The following HSPA4L variants were observed in gnomAD, a reference collection of about 807,000 sequenced individuals.
The protein encoded by HSPA4L is heat shock 70 kDa protein 4L.
HSPA4L carries 48 observed loss-of-function variants against 100.3 expected under a neutral mutation model. The ratio of observed to expected loss-of-function variants is 0.48; its 90% confidence interval spans 0.38 to 0.61. HSPA4L has a LOEUF of 0.61. HSPA4L is among the 20% of genes least tolerant of loss of function. The pLI, the probability that HSPA4L is intolerant of heterozygous loss-of-function variation, is 0.00. For synonymous variants in HSPA4L, 319 were observed against 328.2 expected (o/e 0.97, Z 0.30); for missense variants, 886 against 988.6 (o/e 0.90, Z 1.39).
rs1734191160 is a variant in HSPA4L, at chr4:127,835,733, T to TAGAA, written c.*2863_*2866dup. The TAGAA allele has an allele frequency of 6.6e-6, 1 of 150,568 alleles. No individual in the cohort carries two copies. Among genetic ancestry groups the TAGAA allele is most frequent in the East Asian group, 2.0e-4 (1 of 5,062 alleles). The allele number at this position is 150,568 out of a possible 1,614,324, so 9.3% of individuals were successfully genotyped here. The stretch of plus-strand genomic sequence containing the variant: ...AAAAACAAAAATTCTTCCAAAAAAC[T>TAGAA]AGAAAGAGCACAGCAAAGAATTTGG... On this transcript the variant is annotated 3_prime_UTR_variant, in exon 19 of 19. Coordinates refer to ENST00000296464, the MANE Select transcript of HSPA4L (RefSeq NM_014278.4).
At chr4:127,831,501 T>TTA (rs1351311274) in intron 18 of HSPA4L, among the ~76,000 whole-genome samples, 58 of 103,416 alleles carry the variant, frequency 5.6e-4, no homozygotes, top group East Asian at 4.7e-3. Context: ...CCTTGTCTAT[T>TTA]AAAAAAAAAA....
At chr4:127,809,590 T>A in intron 11 of HSPA4L, 1 of 645,016 alleles carries the variant, frequency 1.6e-6, no homozygotes, top group Non-Finnish European at 2.8e-6. Flanking sequence ...TGATATTTTT[T>A]GTTTGTTAAA....
At position 127,834,491 on chromosome 4, in the gene HSPA4L, G is replaced by T. The variant is rs1734160093; in HGVS notation, c.*1617G>T. 1 of 152,078 alleles carries T rather than the reference G, an allele frequency of 6.6e-6. No individual in the cohort carries two copies. Among genetic ancestry groups the T allele is most frequent in the Non-Finnish European group, 1.5e-5 (1 of 67,988 alleles). 9.4% of individuals were successfully genotyped at this position (152,078 alleles called of 1,614,324 possible). ...GGATTTTTATTCCGTCTTTTGAGGGGAAGAATCTCTTTTTTGCATTAAAAA... is the reference window on the plus strand; with the variant it reads ...GGATTTTTATTCCGTCTTTTGAGGGTAAGAATCTCTTTTTTGCATTAAAAA... On this transcript the variant is annotated 3_prime_UTR_variant, in exon 19 of 19. Transcript: ENST00000296464.
intron 1 of HSPA4L, among the ~76,000 whole-genome samples, chr4:127,788,821 G>A (rs1035874388): frequency 1.5e-4 from 23 of 152,224 alleles, no homozygotes; most frequent in African/African-American, 5.1e-4. Context: ...GGGCCAAGAT[G>A]TCAGTAGTGC....
At chr4:127,813,327 C>T (rs1398847365) in intron 12 of HSPA4L, 3 of 632,746 alleles carry the variant, frequency 4.7e-6, no homozygotes, top group Non-Finnish European at 8.3e-6. Flanking sequence ...ATGCATCTTT[C>T]TTCCAAATTG....
At chr4:127,809,824 G>A (rs1342878708) in intron 11 of HSPA4L, among the ~76,000 whole-genome samples, 3 of 152,086 alleles carry the variant, frequency 2.0e-5, no homozygotes, top group Non-Finnish European at 4.4e-5. Context: ...ATCATTTATA[G>A]TACTTAACTT....
At position 127,803,880 on chromosome 4, in the gene HSPA4L, C is replaced by T. The variant is rs368526524; in HGVS notation, c.908+7C>T. ...TTTCTAGTAAAATGAACAGGTACCACGTATGTTTTTAGTTTGAAAAGTGTT... is the reference window on the plus strand; with the variant it reads ...TTTCTAGTAAAATGAACAGGTACCATGTATGTTTTTAGTTTGAAAAGTGTT... On this transcript the variant is annotated splice_region_variant and intron_variant, in intron 7 of 18. Transcript: ENST00000296464. The T allele has an allele frequency of 1.6e-5, 25 of 1,611,556 alleles. No individual in the cohort carries two copies. The highest frequency in any genetic ancestry group is 3.3e-4 in the Middle Eastern group (2 of 6,052).
chr4:127,833,129 G>T lies in HSPA4L; in HGVS notation c.*255G>T. On this transcript the variant is annotated 3_prime_UTR_variant, in exon 19 of 19. Transcript: ENST00000296464. ...GATAATTTTATATATCAAACATACA[G>T]GATGGATACATAGTTGGCAACAGTC... is the stretch of plus-strand genomic sequence containing the variant. 1 of 308,772 alleles carries T rather than the reference G, an allele frequency of 3.2e-6. No individual in the cohort carries two copies. Among genetic ancestry groups the T allele is most frequent in the Non-Finnish European group, 5.9e-6 (1 of 170,006 alleles). 19.1% of individuals were successfully genotyped at this position (308,772 alleles called of 1,614,324 possible). A position where few individuals can be genotyped will look rare whatever the true frequency, so the allele number is the denominator to read the frequency against.
rs1439382950 is a variant in HSPA4L at position 127,833,187 on chromosome 4, T to C, written c.*313T>C. The C allele has an allele frequency of 4.6e-6, 1 of 216,072 alleles. No individual in the cohort carries two copies. Among genetic ancestry groups the C allele is most frequent in the African/African-American group, 2.3e-5 (1 of 44,108 alleles). The allele number at this position is 216,072 out of a possible 1,614,324, so 13.4% of individuals were successfully genotyped here. A position where few individuals can be genotyped will look rare whatever the true frequency, so the allele number is the denominator to read the frequency against. ...TTTAAAGCTTCTACTGGGATAAACC[T>C]CAATTCCTTTATTCAGGAAAGGATA... On this transcript the variant is annotated 3_prime_UTR_variant, in exon 19 of 19. Transcript: ENST00000296464.
At chr4:127,793,329 A>AT (rs1174786067) in intron 1 of HSPA4L, among the ~76,000 whole-genome samples, 5 of 151,808 alleles carry the variant, frequency 3.3e-5, no homozygotes, top group East Asian at 3.9e-4. Context: ...TATTCTATTG[A>AT]TTTTTTTTCA....
intron 4 of HSPA4L, among the ~76,000 whole-genome samples, chr4:127,799,602 G>A (rs1037428290): frequency 2.0e-5 from 3 of 152,134 alleles, no homozygotes; most frequent in African/African-American, 7.2e-5. Context: ...CCACTTGAAA[G>A]GATATGTTAG....
chr4:127,801,823 C>T lies in HSPA4L; in HGVS notation c.568C>T (p.Pro190Ser), dbSNP rs1440994204. ...AYGIYKQDLP[P>S]LDEKPRNVVF... ...TGGAATTTATAAACAGGATCTTCCCCCATTAGATGAGAAACCAAGAAATGT... is the reference window on the plus strand; with the variant it reads ...TGGAATTTATAAACAGGATCTTCCCTCATTAGATGAGAAACCAAGAAATGT... The change falls in exon 6 of 19, where the codon CCA becomes TCA. Residue 190 changes from proline (P) to serine (S), a missense_variant. Coordinates refer to ENST00000296464, the MANE Select transcript of HSPA4L (RefSeq NM_014278.4). 3 of 1,610,754 alleles carry T rather than the reference C, an allele frequency of 1.9e-6. No individual in the cohort carries two copies. Among genetic ancestry groups the T allele is most frequent in the Non-Finnish European group, 1.7e-6 (2 of 1,178,066 alleles).
chr4:127,781,976 C>G, upstream of HSPA4L: 1 of 437,448 alleles, frequency 2.3e-6, no homozygotes, highest in African/African-American at 2.1e-5. Context: ...AACACGTTCG[C>G]AAAGCCCCGG....
intron 16 of HSPA4L, among the ~76,000 whole-genome samples, chr4:127,823,846 G>A (rs959324993): frequency 5.3e-5 from 8 of 152,054 alleles, no homozygotes; most frequent in African/African-American, 1.5e-4. Context: ...CTTTCTTTGG[G>A]GGGGAGAACA....
chr4:127,784,332 C>T (rs1339370442), intron 1 of HSPA4L, among the ~76,000 whole-genome samples: 2 of 152,234 alleles, frequency 1.3e-5, no homozygotes, highest in Non-Finnish European at 2.9e-5. Context: ...GCTGAGAAAT[C>T]TCTTTAGCAG....
At chr4:127,801,747 C>A in intron 5 of HSPA4L, 38 bp from the exon 6 acceptor site, 3 of 1,528,058 alleles carry the variant, frequency 2.0e-6, no homozygotes, top group Non-Finnish European at 2.7e-6. Context: ...CAAGTAATTA[C>A]TGTGCTAGAA....
At chr4:127,819,519 C>G (rs1733755448) in intron 13 of HSPA4L, among the ~76,000 whole-genome samples, 1 of 152,086 alleles carries the variant, frequency 6.6e-6, no homozygotes, top group Non-Finnish European at 1.5e-5. Context: ...ACATGTCATT[C>G]AAATCATCCA....
At chr4:127,832,528 A>T (rs1448826312) in intron 18 of HSPA4L, among the ~76,000 whole-genome samples, 155 bp from the exon 19 acceptor site, 1 of 152,204 alleles carries the variant, frequency 6.6e-6, no homozygotes, top group Admixed American at 6.5e-5. Context: ...TAAATCTCTC[A>T]TGAGGCATTT....
chr4:127,805,708 T>A lies in HSPA4L; in HGVS notation c.1159T>A (p.Phe387Ile). The change falls in exon 10 of 19, where the codon TTT (phenylalanine) becomes ATT (isoleucine). Residue 387 changes from phenylalanine (F) to isoleucine (I), a missense_variant. Physicochemically the swap from Phe to Ile is conservative, Grantham distance 21 (BLOSUM62 0). Coordinates refer to ENST00000296464, the MANE Select transcript of HSPA4L (RefSeq NM_014278.4). Reference protein sequence around the residue: ...ALQCAILSPAFKVREFSITDL... With the variant: ...ALQCAILSPAIKVREFSITDL... Reference sequence around the variant, plus strand: ...TCAGTGTGCGATTCTCTCACCAGCATTTAAAGTGCGTGAATTTTCCATAAC... The same window carrying A: ...TCAGTGTGCGATTCTCTCACCAGCAATTAAAGTGCGTGAATTTTCCATAAC... 6.2e-7 allele frequency: 1 copy of A among 1,612,426 alleles called. No homozygotes were observed. The highest frequency in any genetic ancestry group is 8.5e-7 in the Non-Finnish European group (1 of 1,178,876).
Sources: gnomAD v4.1 joint callset for allele counts (sites outside exome capture counted in the v4.1 genomes callset) on GRCh38, gnomAD v4.1.1 for gene constraint, MANE v1.5 for transcripts, NCBI Gene and HGNC (gene_info 2026-07-23, HGNC 2026-07-21) for gene names.